SND1: variants seen among roughly 807,000 people sequenced by gnomAD.
SND1 encodes the protein staphylococcal nuclease and tudor domain containing 1.
Under a neutral mutation model 121.7 loss-of-function variants are expected in SND1, and 38 were observed. That is an observed-to-expected ratio of 0.31 (90% CI 0.24 to 0.41). The LOEUF is 0.41. SND1 is among the 10% of genes least tolerant of loss of function. The pLI is 1.00. For synonymous variants in SND1, 401 were observed against 447.4 expected, an observed-to-expected ratio of 0.90 and a Z score of 1.31; for missense variants, 868 against 1,184.6, an observed-to-expected ratio of 0.73 and a Z score of 3.92.
intron 13 of SND1, among the ~76,000 whole-genome samples, chr7:127,892,641 C>T (rs73721026): frequency 0.017 from 2,598 of 152,244 alleles, 93 homozygotes; most frequent in African/African-American, 0.059. Context: ...CATCAGCTGA[C>T]CCCTGCCTCA....
At chr7:127,729,108 G>A (rs985604735) in intron 10 of SND1, among the ~76,000 whole-genome samples, 1 of 152,076 alleles carries the variant, frequency 6.6e-6, no homozygotes, top group Admixed American at 6.5e-5. Flanking sequence ...ATTGAGTTCA[G>A]TCCACCAGAG....
At chr7:127,893,834 G>A (rs1429880171) in intron 13 of SND1, among the ~76,000 whole-genome samples, 1 of 151,906 alleles carries the variant, frequency 6.6e-6, no homozygotes, top group Non-Finnish European at 1.5e-5. Context: ...TCTCTTCCTG[G>A]TCCCCTGAAG....
intron 15 of SND1, among the ~76,000 whole-genome samples, chr7:127,980,081 C>G (rs1802222261): frequency 6.7e-6 from 1 of 149,084 alleles, no homozygotes; most frequent in African/African-American, 2.5e-5. Flanking sequence ...TTTTTGCTTG[C>G]TTTATTTTAT....
chr7:127,997,651 C>T (rs1440687593), intron 16 of SND1: 1 of 504,448 alleles, frequency 2.0e-6, no homozygotes, highest in Admixed American at 2.0e-5. Context: ...GGGATAAAGT[C>T]TTATCTCAGT....
chr7:127,800,715 GT>G (rs1798111216), intron 10 of SND1, among the ~76,000 whole-genome samples: 1 of 152,038 alleles, frequency 6.6e-6, no homozygotes, highest in Non-Finnish European at 1.5e-5. Flanking sequence ...TCAGAGCCTT[GT>G]TTTTTTCCTT....
At chr7:127,836,061 G>A (rs1401470208) in intron 11 of SND1, among the ~76,000 whole-genome samples, 1 of 152,138 alleles carries the variant, frequency 6.6e-6, no homozygotes, top group African/African-American at 2.4e-5. Context: ...TTATCAGGGA[G>A]CAGTGATGTC....
intron 16 of SND1, chr7:127,997,840 C>T (rs1423951663): frequency 1.9e-6 from 1 of 534,684 alleles, no homozygotes; most frequent in Non-Finnish European, 3.8e-6. Flanking sequence ...TCAGTCATCG[C>T]CCTTGCTTGC....
At chr7:127,807,185 G>A (rs957278704) in intron 10 of SND1, among the ~76,000 whole-genome samples, 2 of 152,102 alleles carry the variant, frequency 1.3e-5, no homozygotes, top group Admixed American at 6.5e-5. Flanking sequence ...ACTTAATTGA[G>A]CTTCTTCTGT....
intron 10 of SND1, among the ~76,000 whole-genome samples, chr7:127,793,746 C>T (rs1797959098): frequency 1.3e-5 from 2 of 152,152 alleles, no homozygotes; most frequent in Admixed American, 1.3e-4. Flanking sequence ...ACAGATGAAA[C>T]AGCTGTGAAC....
intron 9 of SND1, among the ~76,000 whole-genome samples, chr7:127,717,000 A>G (rs1221296110): frequency 6.6e-6 from 1 of 152,226 alleles, no homozygotes; most frequent in Non-Finnish European, 1.5e-5. Flanking sequence ...GATAAGAAAA[A>G]GAAAGTGATT....
In SND1 at chr7:127,898,390, C is replaced by T. The variant is rs568772003; in HGVS notation, c.1455-6357C>T. ...ATTCTCAATTACATTGAAAATGCAG[C>T]TGCATAATCTTAGTGCCCCCACCTA... On this transcript the variant is annotated intron_variant, in intron 13 of 23. Coordinates refer to ENST00000354725, the MANE Select transcript of SND1 (RefSeq NM_014390.4). Among the ~76,000 whole-genome samples, 3 of 152,244 alleles carry T rather than the reference C, an allele frequency of 2.0e-5. No homozygotes were observed. The East Asian group carries it at 5.8e-4, about 29-fold the overall frequency.
chr7:127,804,383 G>T (rs1238786504), intron 10 of SND1, among the ~76,000 whole-genome samples: 1 of 152,076 alleles, frequency 6.6e-6, no homozygotes, highest in East Asian at 1.9e-4. Flanking sequence ...TTTTTATTGG[G>T]ATGTTTGTTG....
intron 10 of SND1, among the ~76,000 whole-genome samples, chr7:127,764,038 C>CAAAAAAAAA (rs60053474): frequency 5.2e-5 from 4 of 76,346 alleles, no homozygotes; most frequent in Admixed American, 1.6e-4. Flanking sequence ...GACCCTGTCG[C>CAAAAAAAAA]AAAAAAAAAA....
At chr7:127,789,683 A>G (rs1313035201) in intron 10 of SND1, among the ~76,000 whole-genome samples, 5 of 152,236 alleles carry the variant, frequency 3.3e-5, no homozygotes, top group African/African-American at 1.2e-4. Flanking sequence ...TCAACTTGTT[A>G]CGTGGCCATG....
chr7:128,086,918 G>A lies in SND1; in HGVS notation c.2305-20G>A. Reference sequence around the variant, plus strand: ...GGGGCAGCGAGTATGTGACATGTTGGCCTGCTGCTTCCTCTGCAGAGAGAG... The same window carrying A: ...GGGGCAGCGAGTATGTGACATGTTGACCTGCTGCTTCCTCTGCAGAGAGAG... On this transcript the variant is annotated intron_variant, in intron 20 of 23. Coordinates refer to ENST00000354725, the MANE Select transcript of SND1 (RefSeq NM_014390.4). The A allele has an allele frequency of 1.3e-6, 2 of 1,589,046 alleles. No individual in the cohort carries two copies. The highest frequency in any genetic ancestry group is 1.7e-6 in the Non-Finnish European group (2 of 1,157,484).
At chr7:127,922,199 T>TTTTTTTTTTTTTTTTTGTTTTTTG (rs1554443300) in intron 14 of SND1, among the ~76,000 whole-genome samples, 1 of 93,500 alleles carries the variant, frequency 1.1e-5, no homozygotes. Context: ...TTTTTTTTTT[T>TTTTTTTTTTTTTTTTTGTTTTTTG]TTTTGTTTTG....
intron 10 of SND1, among the ~76,000 whole-genome samples, chr7:127,729,133 A>G (rs1293744549): frequency 6.6e-6 from 1 of 152,100 alleles, no homozygotes; most frequent in Non-Finnish European, 1.5e-5. Flanking sequence ...TAATTTCAGG[A>G]TTTTAAGTGC....
At position 127,758,831 on chromosome 7, in the gene SND1, G is replaced by T. The variant is rs143942475; in HGVS notation, c.1152+37431G>T. 6.6e-5 allele frequency among the ~76,000 whole-genome samples: 10 copies of T among 152,122 alleles called. No individual in the cohort carries two copies. The East Asian group carries it at 1.9e-3, about 29-fold the overall frequency. On this transcript the variant is annotated intron_variant, in intron 10 of 23. Coordinates refer to ENST00000354725, the MANE Select transcript of SND1 (RefSeq NM_014390.4). ...CACTTTGGGGAGGCTGAGGCAGGAG[G>T]ATCACTTAAGCCCAGAAATTTGAGA...
rs961579753 is a variant in SND1 at position 127,835,725 on chromosome 7, C to T, written c.1243-8599C>T. ...TGTAGGATTATAAATCCTGGAGAAT[C>T]GAGATTTAATGAAACTGCTGGAAGC... On this transcript the variant is annotated intron_variant, in intron 11 of 23. Transcript: ENST00000354725. Among the ~76,000 whole-genome samples, 4 of 152,188 alleles carry T rather than the reference C, an allele frequency of 2.6e-5. No homozygotes were observed. In the East Asian group the frequency reaches 5.8e-4, roughly 22 times the overall value.
Sources: allele counts gnomAD v4.1 joint callset (sites outside exome capture counted in the v4.1 genomes callset), GRCh38; gene constraint gnomAD v4.1.1; transcripts MANE v1.5; gene names NCBI Gene and HGNC (gene_info 2026-07-23, HGNC 2026-07-21).